The following SUPT16H variants were observed in gnomAD, a reference collection of about 807,000 sequenced individuals.
SUPT16H encodes FACT complex subunit SPT16.
Under a neutral mutation model 136.2 loss-of-function variants are expected in SUPT16H, and 24 were observed. The ratio of observed to expected loss-of-function variants is 0.18; its 90% CI spans 0.13 to 0.25. The LOEUF is 0.25. SUPT16H is among the 10% of genes least tolerant of loss of function. SUPT16H has a pLI of 1.00. For missense variants in SUPT16H, 623 were observed against 1,270.2 expected (o/e 0.49, Z 7.74); for synonymous variants, 415 against 428.2 (o/e 0.97, Z 0.38).
intron 23 of SUPT16H, 141 bp from the exon 24 acceptor site, chr14:21,353,973 G>T: frequency 1.4e-6 from 1 of 738,836 alleles, no homozygotes; most frequent in Non-Finnish European, 2.0e-6. Context: ...GAGATAAAAT[G>T]ACTTGTTTAA....
chr14:21,379,627 CG>C (rs1886977567), intron 1 of SUPT16H, among the ~76,000 whole-genome samples: 4 of 151,450 alleles, frequency 2.6e-5, no homozygotes, highest in Middle Eastern at 3.4e-3. Context: ...CCGAGGTGGG[CG>C]GATCGCTTGA....
intron 1 of SUPT16H, among the ~76,000 whole-genome samples, chr14:21,377,962 C>A (rs1245356421): frequency 6.6e-6 from 1 of 151,998 alleles, no homozygotes; most frequent in African/African-American, 2.4e-5. Context: ...AGAAAATGTG[C>A]TAAAGAAAAA....
chr14:21,365,342 A>G (rs905182494), intron 8 of SUPT16H, among the ~76,000 whole-genome samples, 199 bp from the exon 9 acceptor site: 4 of 152,234 alleles, frequency 2.6e-5, no homozygotes, highest in African/African-American at 9.6e-5. Flanking sequence ...CATGGCGAAA[A>G]ATAATTTCCT....
At chr14:21,360,762 T>C in intron 17 of SUPT16H, 84 bp downstream of exon 17, 5 of 1,540,468 alleles carry the variant, frequency 3.2e-6, no homozygotes, top group Middle Eastern at 1.9e-4. Context: ...GGATGGCTCT[T>C]TGTCATATTT....
chr14:21,383,711 C>T, intron 1 of SUPT16H, 151 bp downstream of exon 1: 1 of 859,346 alleles, frequency 1.2e-6, no homozygotes, highest in Non-Finnish European at 1.9e-6. Context: ...CGTTCGTGGC[C>T]GCCTCCGGTG....
In SUPT16H at chr14:21,352,384, A is replaced by G; in HGVS notation, c.*289T>C. ...TCAGAAGCCATCAATGTCTTGGCAGAAGGTGACAGGAAGAGAGAAGAATGA... is the reference window on the plus strand; with the variant it reads ...TCAGAAGCCATCAATGTCTTGGCAGGAGGTGACAGGAAGAGAGAAGAATGA... On this transcript the variant is annotated 3_prime_UTR_variant, in exon 26 of 26. Coordinates refer to ENST00000216297, the MANE Select transcript of SUPT16H (RefSeq NM_007192.4). 2.6e-6 allele frequency: 1 copy of G among 390,706 alleles called. No individual in the cohort carries two copies. Among genetic ancestry groups the G allele is most frequent in the South Asian group, 3.0e-5 (1 of 33,398 alleles). 24.2% of individuals were successfully genotyped at this position (390,706 alleles called of 1,614,324 possible).
In SUPT16H at chr14:21,360,513, G is replaced by A; in HGVS notation, c.2077C>T (p.Arg693Ter). The change falls in exon 18 of 26, where the codon CGA (arginine) becomes TGA (stop). Residue 693 changes from arginine to a stop codon, truncating the protein, a stop_gained. Transcript: ENST00000216297. LOFTEE classifies it high-confidence loss of function. ...HVNGFRFTSV[R>*]GDKVDILYNN... ...TACAAAATATCCACTTTGTCTCCTC[G>A]AACAGATGTGAAGCGGAAGCCTGGG... 6.2e-7 allele frequency: 1 copy of A among 1,613,370 alleles called. No individual in the cohort carries two copies. Among genetic ancestry groups the A allele is most frequent in the South Asian group, 1.1e-5 (1 of 90,970 alleles).
chr14:21,376,880 T>C (rs940034224), intron 1 of SUPT16H, among the ~76,000 whole-genome samples: 2 of 152,044 alleles, frequency 1.3e-5, no homozygotes, highest in Non-Finnish European at 2.9e-5. Flanking sequence ...AGCACTTGAA[T>C]ACATATTTCA....
chr14:21,352,813 G>T lies in SUPT16H; in HGVS notation c.3004C>A (p.Arg1002=), dbSNP rs756151775. The T allele has an allele frequency of 6.2e-6, 10 of 1,613,758 alleles. No individual in the cohort carries two copies. In the Admixed American group the frequency reaches 1.7e-4, roughly 27 times the overall value. The change falls in exon 26 of 26, where the codon CGA becomes AGA. Residue 1002 remains arginine, a synonymous_variant. Transcript: ENST00000216297. ...ELEEEARKAD[R]ESRYEEEEEQ... is the part of the protein sequence containing the mutation. Reference sequence around the variant, plus strand: ...TCTTCTTCCTCGTAACGACTTTCTCGGTCCGCTAAATAGAAGAGGCATTAT... The same window carrying T: ...TCTTCTTCCTCGTAACGACTTTCTCTGTCCGCTAAATAGAAGAGGCATTAT...
At chr14:21,373,504 A>G (rs1002464280) in intron 1 of SUPT16H, 74 bp from the exon 2 acceptor site, 3 of 1,086,962 alleles carry the variant, frequency 2.8e-6, no homozygotes, top group Non-Finnish European at 4.3e-6. Context: ...ATATTTATCT[A>G]GGACAGGCAT....
chr14:21,371,445 TAAG>T (rs1384443712), intron 3 of SUPT16H, among the ~76,000 whole-genome samples: 3 of 152,166 alleles, frequency 2.0e-5, no homozygotes, highest in African/African-American at 4.8e-5. Context: ...CAGAAACAGT[TAAG>T]AAACTCAAAC....
At chr14:21,383,688 T>C in intron 1 of SUPT16H, 174 bp downstream of exon 1, 1 of 747,888 alleles carries the variant, frequency 1.3e-6, no homozygotes, top group South Asian at 1.5e-5. Context: ...GGGGATTCCC[T>C]GTTAAGGGGC....
intron 1 of SUPT16H, among the ~76,000 whole-genome samples, chr14:21,379,878 CAAA>C (rs1886983998): frequency 1.1e-5 from 1 of 88,726 alleles, no homozygotes; most frequent in Non-Finnish European, 2.4e-5. Context: ...GAGTGAAACT[CAAA>C]AAACAAACAA....
Position 21,376,244 on chromosome 14 carries a change from C to G in SUPT16H, c.67-2814G>C, listed in dbSNP as rs916347151. On this transcript the variant is annotated intron_variant, in intron 1 of 25. Coordinates refer to ENST00000216297, the MANE Select transcript of SUPT16H (RefSeq NM_007192.4). ...CTATATGCCTATCCTTAGGCCAGTA[C>G]CGTGATGTTTTGATTACTACAGCGT... 4.6e-5 allele frequency among the ~76,000 whole-genome samples: 7 copies of G among 152,128 alleles called. 1 individual carries two copies. The highest frequency in any genetic ancestry group is 3.3e-4 in the Admixed American group (5 of 15,274).
chr14:21,375,127 C>A (rs983732551), intron 1 of SUPT16H, among the ~76,000 whole-genome samples: 7 of 152,028 alleles, frequency 4.6e-5, no homozygotes, highest in Admixed American at 2.6e-4. Flanking sequence ...GATTCTTGTG[C>A]CTCAGCCTCC....
At chr14:21,381,305 G>C (rs1373186618) in intron 1 of SUPT16H, among the ~76,000 whole-genome samples, 2 of 152,094 alleles carry the variant, frequency 1.3e-5, no homozygotes, top group African/African-American at 4.8e-5. Flanking sequence ...TATTTTATTT[G>C]CAATAGCCTC....
chr14:21,358,285 A>T, intron 20 of SUPT16H, 30 bp downstream of exon 20: 1 of 1,431,400 alleles, frequency 7.0e-7, no homozygotes, highest in East Asian at 2.3e-5. Context: ...CAGACCAGTC[A>T]AACTTCAAGC....
At chr14:21,355,230 C>G (rs1594296594) in intron 22 of SUPT16H, among the ~76,000 whole-genome samples, 1 of 152,196 alleles carries the variant, frequency 6.6e-6, no homozygotes, top group Non-Finnish European at 1.5e-5. Context: ...TGCGGTGGCT[C>G]ACGCCTGTAA....
Position 21,370,506 on chromosome 14 carries a change from A to C in SUPT16H, c.331-18T>G. ...CTTTCATTCTGTCAGTGTCATAGGG[A>C]AGAAAAGACACATATGTTTTACCAG... On this transcript the variant is annotated intron_variant, in intron 3 of 25. Transcript: ENST00000216297. 1 of 1,612,832 alleles carries C rather than the reference A, an allele frequency of 6.2e-7. No individual in the cohort carries two copies. Among genetic ancestry groups the C allele is most frequent in the Non-Finnish European group, 8.5e-7 (1 of 1,179,436 alleles).
Sources: allele counts gnomAD v4.1 joint callset (sites outside exome capture counted in the v4.1 genomes callset), GRCh38; gene constraint gnomAD v4.1.1; transcripts MANE v1.5; gene names NCBI Gene and HGNC (gene_info 2026-07-23, HGNC 2026-07-21).